SMOC1: variants seen among roughly 807,000 people sequenced by gnomAD.
The protein encoded by SMOC1 is SPARC related modular calcium binding 1, also known as SPARC-related modular calcium-binding protein 1.
In SMOC1, 22 loss-of-function variants were observed where a neutral mutation model predicts 56.3. The observed-to-expected ratio is 0.39, with a 90% CI of 0.28 to 0.56. The LOEUF (loss-of-function observed/expected upper bound fraction) is 0.56. Among genes scored for constraint, SMOC1 ranks in the 20% least tolerant of loss-of-function variants. SMOC1 has a pLI of 0.61. For synonymous variants in SMOC1, 193 were observed against 215.0 expected, an observed-to-expected ratio of 0.90 and a Z score of 0.89; for missense variants, 509 against 565.4, an observed-to-expected ratio of 0.90 and a Z score of 1.01.
Position 69,994,158 on chromosome 14 carries a change from C to T in SMOC1, c.584-242C>T, listed in dbSNP as rs1884678007. 8.6e-6 allele frequency: 5 copies of T among 578,686 alleles called. No homozygotes were observed. In the South Asian group the frequency reaches 9.8e-5, roughly 11 times the overall value. 35.8% of individuals were successfully genotyped at this position (578,686 alleles called of 1,614,324 possible). On this transcript the variant is annotated intron_variant, in intron 6 of 11. Coordinates refer to ENST00000361956, the MANE Select transcript of SMOC1 (RefSeq NM_001034852.3). ...TATTCCTGGATGGAGTGCTCAGTGC[C>T]TCTGCATTCTGACCACTCTGCTTCC...
At chr14:70,026,110 G>A (rs1387902975) in intron 11 of SMOC1, among the ~76,000 whole-genome samples, 1 of 152,226 alleles carries the variant, frequency 6.6e-6, no homozygotes, top group African/African-American at 2.4e-5. Context: ...GAATGAATAA[G>A]TGAAGGAATG....
chr14:69,880,628 A>G (rs1384466290), intron 1 of SMOC1, among the ~76,000 whole-genome samples: 3 of 152,210 alleles, frequency 2.0e-5, no homozygotes, highest in Non-Finnish European at 4.4e-5. Flanking sequence ...AACATGTACT[A>G]TTAAACGACC....
At chr14:69,969,214 C>T (rs1002054767) in intron 3 of SMOC1, among the ~76,000 whole-genome samples, 6 of 152,156 alleles carry the variant, frequency 3.9e-5, no homozygotes, top group Non-Finnish European at 8.8e-5. Context: ...TCCAATGCTC[C>T]CTGTGTAAAA....
In SMOC1 at chr14:69,879,675, C is replaced by A; in HGVS notation, c.-4C>A. ...GCTGCCGGCTGCCCAGCCTGGCTGG[C>A]ACCATGCTGCCCGCGCGCTGCGCCC... On this transcript the variant is annotated 5_prime_UTR_variant, in exon 1 of 12. Coordinates refer to ENST00000361956, the MANE Select transcript of SMOC1 (RefSeq NM_001034852.3). 1 of 1,548,476 alleles carries A rather than the reference C, an allele frequency of 6.5e-7. No individual in the cohort carries two copies. The highest frequency in any genetic ancestry group is 8.6e-7 in the Non-Finnish European group (1 of 1,157,196).
intron 11 of SMOC1, 52 bp from the exon 12 acceptor site, chr14:70,030,190 T>A: frequency 1.2e-6 from 2 of 1,604,370 alleles, no homozygotes; most frequent in South Asian, 2.2e-5. Context: ...CTTGCTTATA[T>A]CTGCCCCCGA....
chr14:69,891,512 C>T (rs1421842087), intron 1 of SMOC1, among the ~76,000 whole-genome samples: 2 of 152,176 alleles, frequency 1.3e-5, no homozygotes, highest in East Asian at 3.9e-4. Flanking sequence ...ATCTGAAGGA[C>T]AGGCTCAGGG....
intron 1 of SMOC1, among the ~76,000 whole-genome samples, chr14:69,910,805 G>C (rs1353184549): frequency 2.0e-5 from 3 of 152,132 alleles, no homozygotes; most frequent in Admixed American, 2.0e-4. Flanking sequence ...GATTAACCCT[G>C]GATATTCAGG....
chr14:70,002,251 T>A (rs1336152162), intron 7 of SMOC1, among the ~76,000 whole-genome samples: 1 of 152,206 alleles, frequency 6.6e-6, no homozygotes, highest in Non-Finnish European at 1.5e-5. Context: ...TTGCTTTCTT[T>A]TGCTGCCTAT....
chr14:69,947,527 T>A (rs1192469798), intron 1 of SMOC1, among the ~76,000 whole-genome samples: 1 of 152,224 alleles, frequency 6.6e-6, no homozygotes, highest in Non-Finnish European at 1.5e-5. Flanking sequence ...AATTTCAAAA[T>A]GCAGAAATTA....
At chr14:69,911,951 C>CCATTTCG (rs1292339723) in intron 1 of SMOC1, among the ~76,000 whole-genome samples, 1 of 152,164 alleles carries the variant, frequency 6.6e-6, no homozygotes, top group Non-Finnish European at 1.5e-5. Flanking sequence ...AGTGACTGTA[C>CCATTTCG]CATTTCGCAT....
chr14:69,948,378 A>G (rs1882870259), intron 1 of SMOC1, among the ~76,000 whole-genome samples: 1 of 152,148 alleles, frequency 6.6e-6, no homozygotes, highest in African/African-American at 2.4e-5. Flanking sequence ...AGACAGGAAT[A>G]TTTTGGGTGC....
intron 11 of SMOC1, among the ~76,000 whole-genome samples, chr14:70,028,678 C>T (rs926672928): frequency 6.6e-6 from 1 of 152,140 alleles, no homozygotes; most frequent in African/African-American, 2.4e-5. Context: ...TTCTACTCAG[C>T]AAGGAGAGAA....
intron 5 of SMOC1, 46 bp downstream of exon 5, chr14:69,978,011 G>A (rs374904762): frequency 1.3e-6 from 2 of 1,519,174 alleles, no homozygotes; most frequent in Admixed American, 1.7e-5. Context: ...TTCCAAAGGT[G>A]GTCCAAGCAG....
At chr14:69,883,504 A>G (rs1883703382) in intron 1 of SMOC1, among the ~76,000 whole-genome samples, 1 of 152,212 alleles carries the variant, frequency 6.6e-6, no homozygotes. Flanking sequence ...TATATATACC[A>G]TATTTTCTCT....
At chr14:69,904,842 T>G (rs1481465827) in intron 1 of SMOC1, among the ~76,000 whole-genome samples, 1 of 152,232 alleles carries the variant, frequency 6.6e-6, no homozygotes, top group Non-Finnish European at 1.5e-5. Flanking sequence ...ATGCCTCCCA[T>G]GCAGTGTTGG....
intron 1 of SMOC1, among the ~76,000 whole-genome samples, chr14:69,917,559 A>C (rs1442768180): frequency 6.6e-5 from 10 of 152,232 alleles, no homozygotes; most frequent in Non-Finnish European, 1.5e-5. Context: ...TTTGTTAGTA[A>C]GTGTTGTGTA....
At chr14:70,018,492 T>C (rs1488854928) in intron 10 of SMOC1, among the ~76,000 whole-genome samples, 1 of 152,154 alleles carries the variant, frequency 6.6e-6, no homozygotes, top group African/African-American at 2.4e-5. Context: ...CAAATATCAA[T>C]GGATGATAGT....
intron 1 of SMOC1, among the ~76,000 whole-genome samples, chr14:69,908,555 A>G (rs1488316524): frequency 6.6e-6 from 1 of 152,186 alleles, no homozygotes; most frequent in Non-Finnish European, 1.5e-5. Context: ...GTTTAGACGA[A>G]GAATAGGAAA....
At chr14:69,896,265 T>C (rs1884096559) in intron 1 of SMOC1, among the ~76,000 whole-genome samples, 1 of 152,346 alleles carries the variant, frequency 6.6e-6, no homozygotes, top group African/African-American at 2.4e-5. Flanking sequence ...CCTGCTTTCT[T>C]GCCTACCTAG....
Sources: allele counts gnomAD v4.1 joint callset (sites outside exome capture counted in the v4.1 genomes callset), GRCh38; gene constraint gnomAD v4.1.1; transcripts MANE v1.5; gene names NCBI Gene and HGNC (gene_info 2026-07-23, HGNC 2026-07-21).